The following PPM1E variants were observed in gnomAD, a reference collection of about 807,000 sequenced individuals.
The protein encoded by PPM1E is protein phosphatase 1E.
Under a neutral mutation model 65.9 loss-of-function variants are expected in PPM1E, and 20 were observed. That is an observed-to-expected ratio of 0.30 (90% CI 0.21 to 0.44). PPM1E has a LOEUF of 0.44. Ranked by LOEUF, PPM1E falls within the 20% of genes least tolerant of loss-of-function variation. PPM1E has a pLI of 1.00. For synonymous variants in PPM1E, 352 were observed against 374.9 expected (o/e 0.94, Z 0.70); for missense variants, 713 against 953.1 (o/e 0.75, Z 3.32).
intron 1 of PPM1E, among the ~76,000 whole-genome samples, chr17:58,766,038 A>G (rs2049872843): frequency 6.7e-6 from 1 of 149,260 alleles, no homozygotes; most frequent in Non-Finnish European, 1.5e-5. Flanking sequence ...GCACTACCAC[A>G]CCTGGCTAAT....
At chr17:58,902,446 C>T (rs1405675740) in intron 1 of PPM1E, among the ~76,000 whole-genome samples, 2 of 151,652 alleles carry the variant, frequency 1.3e-5, no homozygotes, top group African/African-American at 4.8e-5. Flanking sequence ...GGATCCCTCA[C>T]CATTTTTTTA....
chr17:58,797,062 C>T (rs12949345), intron 1 of PPM1E, among the ~76,000 whole-genome samples: 37,667 of 152,026 alleles, frequency 0.25, 5,434 homozygotes, highest in Middle Eastern at 0.42. Context: ...GAGCTGAGAT[C>T]ACGCCACTTC....
At chr17:58,874,018 A>G (rs745945617) in intron 1 of PPM1E, among the ~76,000 whole-genome samples, 1 of 152,164 alleles carries the variant, frequency 6.6e-6, no homozygotes, top group African/African-American at 2.4e-5. Context: ...GTCAGCCAAC[A>G]TCGCTTTCGT....
rs544741725 is a variant in PPM1E, at chr17:58,758,986, C to T, written c.464+2525C>T. On this transcript the variant is annotated intron_variant, in intron 1 of 6. Coordinates refer to ENST00000308249, the MANE Select transcript of PPM1E (RefSeq NM_014906.5). ...TCAAAAGGCTGAGCCACAAGAATCGCTTGAACCCAGGAGGCGGAGGTTGCA... is the reference window on the plus strand; with the variant it reads ...TCAAAAGGCTGAGCCACAAGAATCGTTTGAACCCAGGAGGCGGAGGTTGCA... Among the ~76,000 whole-genome samples the T allele has an allele frequency of 2.2e-4, 33 of 152,270 alleles. No homozygotes were observed. In the South Asian group the frequency reaches 2.3e-3, roughly 11 times the overall value.
At chr17:58,909,433 C>CT (rs2051597389) in intron 1 of PPM1E, among the ~76,000 whole-genome samples, 1 of 152,008 alleles carries the variant, frequency 6.6e-6, no homozygotes, top group Admixed American at 6.6e-5. Context: ...TCTTTGTTTC[C>CT]TTTTTGTAGA....
chr17:58,829,163 C>A (rs960312751), intron 1 of PPM1E, among the ~76,000 whole-genome samples: 1 of 152,042 alleles, frequency 6.6e-6, no homozygotes, highest in African/African-American at 2.4e-5. Context: ...CTGCCTCAGT[C>A]TCCTGAGTAG....
At chr17:58,832,541 C>T (rs1248775677) in intron 1 of PPM1E, among the ~76,000 whole-genome samples, 1 of 152,098 alleles carries the variant, frequency 6.6e-6, no homozygotes, top group Non-Finnish European at 1.5e-5. Context: ...TCAATTGGTG[C>T]TCCTTTTTAA....
intron 1 of PPM1E, among the ~76,000 whole-genome samples, chr17:58,875,309 C>A (rs2051116392): frequency 6.6e-6 from 1 of 152,094 alleles, no homozygotes; most frequent in African/African-American, 2.4e-5. Context: ...GGGAAAAGAA[C>A]CAATGAAAGA....
chr17:58,869,806 T>C (rs1039945543), intron 1 of PPM1E, among the ~76,000 whole-genome samples: 7 of 152,206 alleles, frequency 4.6e-5, no homozygotes, highest in African/African-American at 1.7e-4. Context: ...TTTGGCAGTG[T>C]TGCAGGCCCA....
intron 1 of PPM1E, among the ~76,000 whole-genome samples, chr17:58,843,933 A>C (rs1365462059): frequency 6.6e-6 from 1 of 152,246 alleles, no homozygotes; most frequent in African/African-American, 2.4e-5. Context: ...CATACAATGT[A>C]AACAAATATC....
chr17:58,964,550 A>C (rs938809979), intron 2 of PPM1E, among the ~76,000 whole-genome samples: 3 of 152,120 alleles, frequency 2.0e-5, no homozygotes, highest in Non-Finnish European at 4.4e-5. Context: ...ACATAGGTGA[A>C]GCGGTAGGTT....
chr17:58,766,944 C>T (rs192954860), intron 1 of PPM1E, among the ~76,000 whole-genome samples: 3 of 152,164 alleles, frequency 2.0e-5, no homozygotes, highest in Non-Finnish European at 2.9e-5. Context: ...TCAGCTTTTT[C>T]GGGGTCACAT....
At chr17:58,975,518 T>G (rs1308553552) in intron 6 of PPM1E, among the ~76,000 whole-genome samples, 2 of 152,184 alleles carry the variant, frequency 1.3e-5, no homozygotes, top group African/African-American at 4.8e-5. Flanking sequence ...TAAGGGAGAC[T>G]TCATACATAG....
intron 1 of PPM1E, among the ~76,000 whole-genome samples, chr17:58,870,181 GAGA>G (rs1245731229): frequency 2.6e-5 from 4 of 152,170 alleles, no homozygotes; most frequent in African/African-American, 9.7e-5. Context: ...GAGGGACAAA[GAGA>G]AGAAGGAGCT....
chr17:58,770,031 A>C (rs1046461120), intron 1 of PPM1E, among the ~76,000 whole-genome samples: 33 of 152,168 alleles, frequency 2.2e-4, no homozygotes, highest in African/African-American at 5.8e-4. Context: ...TATCTAAAAA[A>C]AACAACAACA....
rs747027374 is a variant in PPM1E at position 58,761,992 on chromosome 17, C to T, written c.464+5531C>T. On this transcript the variant is annotated intron_variant, in intron 1 of 6. Transcript: ENST00000308249. ...GAGATTGGCAACTTGTTCTGTATGACGACTGATTTCATGTGAAGCATGGTA... is the reference window on the plus strand; with the variant it reads ...GAGATTGGCAACTTGTTCTGTATGATGACTGATTTCATGTGAAGCATGGTA... Among the ~76,000 whole-genome samples the T allele has an allele frequency of 9.2e-5, 14 of 152,202 alleles. 1 individual carries two copies. The highest frequency in any genetic ancestry group is 6.2e-4 in the South Asian group (3 of 4,822).
intron 1 of PPM1E, among the ~76,000 whole-genome samples, chr17:58,874,606 C>T (rs2051108639): frequency 6.6e-6 from 1 of 152,072 alleles, no homozygotes; most frequent in African/African-American, 2.4e-5. Flanking sequence ...TTCTGGACCT[C>T]AAAGATATAT....
chr17:58,870,506 T>A (rs1234825705), intron 1 of PPM1E, among the ~76,000 whole-genome samples: 5 of 152,138 alleles, frequency 3.3e-5, no homozygotes, highest in African/African-American at 1.2e-4. Context: ...TAGTTCCCAG[T>A]GTTAATTTTC....
intron 1 of PPM1E, among the ~76,000 whole-genome samples, chr17:58,904,579 T>A (rs1325484631): frequency 1.3e-5 from 2 of 152,178 alleles, no homozygotes; most frequent in Admixed American, 1.3e-4. Context: ...TGTGTTGAAT[T>A]TATAGATCAA....
Sources: gnomAD v4.1 joint callset for allele counts (sites outside exome capture counted in the v4.1 genomes callset) on GRCh38, gnomAD v4.1.1 for gene constraint, MANE v1.5 for transcripts, NCBI Gene and HGNC (gene_info 2026-07-23, HGNC 2026-07-21) for gene names.